The following NOVA1 variants were observed in gnomAD, a reference collection of about 807,000 sequenced individuals.
The protein encoded by NOVA1 is RNA-binding protein Nova-1.
NOVA1 carries 7 observed loss-of-function variants against 38.0 expected under a neutral mutation model. The ratio of observed to expected loss-of-function variants is 0.18; its 90% CI spans 0.10 to 0.35. The LOEUF (loss-of-function observed/expected upper bound fraction) is 0.35. NOVA1 is among the 10% of genes least tolerant of loss of function. The probability of loss-of-function intolerance (pLI) is 1.00; values close to 1 mark genes in which losing one functional copy is unlikely to be tolerated. For missense variants in NOVA1, 460 were observed against 616.0 expected (o/e 0.75, Z 2.68); for synonymous variants, 270 against 232.5 (o/e 1.16, Z -1.47).
chr14:26,597,661 C>A lies in NOVA1; in HGVS notation c.-225G>T. The A allele has an allele frequency of 1.7e-6, 2 of 1,198,482 alleles. No individual in the cohort carries two copies. Among genetic ancestry groups the A allele is most frequent in the Non-Finnish European group, 2.1e-6 (2 of 970,754 alleles). 74.2% of individuals were successfully genotyped at this position (1,198,482 alleles called of 1,614,324 possible). A position where few individuals can be genotyped will look rare whatever the true frequency, so the allele number is the denominator to read the frequency against. On this transcript the variant is annotated 5_prime_UTR_variant, in exon 1 of 5. Coordinates refer to ENST00000539517, the MANE Select transcript of NOVA1 (RefSeq NM_002515.3). ...CTGAGGAGCAGCTGCAGTGCAGTGT[C>A]AGAAAGGAGACAGGGGAATGGAGGG...
chr14:26,590,572 A>G (rs961906368), intron 2 of NOVA1, among the ~76,000 whole-genome samples: 2 of 151,850 alleles, frequency 1.3e-5, no homozygotes, highest in African/African-American at 4.8e-5. Context: ...AAAAACTCCC[A>G]AACAATACAA....
chr14:26,587,819 T>C (rs1893620587), intron 2 of NOVA1, among the ~76,000 whole-genome samples: 1 of 151,160 alleles, frequency 6.6e-6, no homozygotes, highest in Admixed American at 6.6e-5. Flanking sequence ...TATTACCTAC[T>C]ATTCTGTGTT....
At chr14:26,537,408 T>C (rs1890178582) in intron 2 of NOVA1, among the ~76,000 whole-genome samples, 1 of 152,126 alleles carries the variant, frequency 6.6e-6, no homozygotes, top group Non-Finnish European at 1.5e-5. Context: ...TCAAAAACAT[T>C]TCAAATTAGA....
chr14:26,491,352 T>C (rs1023370472), intron 2 of NOVA1, among the ~76,000 whole-genome samples: 3 of 152,180 alleles, frequency 2.0e-5, no homozygotes, highest in Non-Finnish European at 1.5e-5. Context: ...ATTAAAGTTA[T>C]TGTATAAATT....
At chr14:26,541,438 C>T (rs986951925) in intron 2 of NOVA1, among the ~76,000 whole-genome samples, 17 of 151,160 alleles carry the variant, frequency 1.1e-4, no homozygotes, top group African/African-American at 3.9e-4. Flanking sequence ...AATTCAAAAA[C>T]AGAATGAGCC....
At chr14:26,484,615 T>C (rs538255183) in intron 2 of NOVA1, among the ~76,000 whole-genome samples, 1 of 152,256 alleles carries the variant, frequency 6.6e-6, no homozygotes, top group Non-Finnish European at 1.5e-5. Context: ...CTCTTTCTAC[T>C]TCCTCATCAC....
At position 26,453,208 on chromosome 14, in the gene NOVA1, G is replaced by GTATT. The variant is rs1555314886; in HGVS notation, c.520-4249_520-4246dup. On this transcript the variant is annotated intron_variant, in intron 4 of 4. Coordinates refer to ENST00000539517, the MANE Select transcript of NOVA1 (RefSeq NM_002515.3). ...TGTATGTATGTATGTATGTATGTATGTATTTATTTATTTTTAGAGAGGGGG... is the reference window on the plus strand; with the variant it reads ...TGTATGTATGTATGTATGTATGTATGTATTTATTTATTTATTTTTAGAGAGGGGG... Among the ~76,000 whole-genome samples the GTATT allele has an allele frequency of 9.3e-3, 1,164 of 125,420 alleles. 8 individuals carry two copies. Among genetic ancestry groups the GTATT allele is most frequent in the African/African-American group, 0.021 (526 of 25,184 alleles). 82.3% of individuals were successfully genotyped at this position (125,420 alleles called of 152,430 possible).
At chr14:26,544,308 G>A (rs1890653567) in intron 2 of NOVA1, among the ~76,000 whole-genome samples, 1 of 151,872 alleles carries the variant, frequency 6.6e-6, no homozygotes, top group Admixed American at 6.6e-5. Flanking sequence ...ACTATAGTTG[G>A]GTTATCTCCA....
chr14:26,544,989 T>C (rs568121204), intron 2 of NOVA1, among the ~76,000 whole-genome samples: 4 of 152,092 alleles, frequency 2.6e-5, no homozygotes, highest in Non-Finnish European at 1.5e-5. Flanking sequence ...AAATACATTT[T>C]ATAAATATAG....
intron 2 of NOVA1, among the ~76,000 whole-genome samples, chr14:26,510,970 A>C (rs1476565149): frequency 6.6e-6 from 1 of 152,212 alleles, no homozygotes; most frequent in Non-Finnish European, 1.5e-5. Flanking sequence ...CAATAAACAG[A>C]TTATTTAAGA....
chr14:26,492,470 A>G (rs565680785), intron 2 of NOVA1, among the ~76,000 whole-genome samples: 3 of 152,304 alleles, frequency 2.0e-5, no homozygotes, highest in African/African-American at 7.2e-5. Flanking sequence ...TTCACTATTG[A>G]GTGTGATGTT....
intron 2 of NOVA1, among the ~76,000 whole-genome samples, chr14:26,494,395 A>G (rs1886598703): frequency 6.6e-6 from 1 of 152,156 alleles, no homozygotes; most frequent in Non-Finnish European, 1.5e-5. Flanking sequence ...TCTTTGTTAA[A>G]GTTGTCATAG....
At position 26,448,199 on chromosome 14, in the gene NOVA1, C is replaced by T. The variant is rs1324806449; in HGVS notation, c.1284G>A (p.Val428=). Residue 428 remains valine (V), a synonymous_variant, in exon 5 of 5, where the codon GTG becomes GTA. Transcript: ENST00000539517. This position sits in a 1 kb window ranked among gnomAD's most constrained non-coding sequence, Gnocchi z 5.3. ...DGSKDVVEIA[V]PENLVGAILG... ...GTATTGCACCAACTAAGTTTTCTGG[C>T]ACTGCTATTTCAACTACATCCTTGG... is the stretch of plus-strand genomic sequence containing the variant. 1.5e-5 allele frequency: 24 copies of T among 1,614,092 alleles called. No individual in the cohort carries two copies. The highest frequency in any genetic ancestry group is 1.9e-5 in the Non-Finnish European group (23 of 1,180,054).
Position 26,544,845 on chromosome 14 carries a change from G to C in NOVA1, c.280+50565C>G, listed in dbSNP as rs578176416. On this transcript the variant is annotated intron_variant, in intron 2 of 4. Coordinates refer to ENST00000539517, the MANE Select transcript of NOVA1 (RefSeq NM_002515.3). ...AATGGAACTGCATGTAAAGTGACTA[G>C]AGAGAATAAAGTAACTCTCTGCTTG... Among the ~76,000 whole-genome samples, 330 of 145,866 alleles carry C rather than the reference G, an allele frequency of 2.3e-3. 1 individual carries two copies. Among genetic ancestry groups the C allele is most frequent in the African/African-American group, 8.3e-3 (296 of 35,614 alleles).
At chr14:26,453,775 A>G (rs1310708077) in intron 4 of NOVA1, among the ~76,000 whole-genome samples, 1 of 152,344 alleles carries the variant, frequency 6.6e-6, no homozygotes, top group African/African-American at 2.4e-5. Context: ...ATAAAACCAC[A>G]TATTGAAGTA....
At chr14:26,575,825 T>G (rs1057348498) in intron 2 of NOVA1, among the ~76,000 whole-genome samples, 1 of 151,992 alleles carries the variant, frequency 6.6e-6, no homozygotes, top group African/African-American at 2.4e-5. Context: ...TTTTTTCTGC[T>G]TATGTGGAAA....
At chr14:26,549,649 C>A in intron 2 of NOVA1, 1 of 989,954 alleles carries the variant, frequency 1.0e-6, no homozygotes. Context: ...ATTGGGCTTT[C>A]CAGTCTAGGG....
At chr14:26,496,681 G>A (rs960968262) in intron 2 of NOVA1, among the ~76,000 whole-genome samples, 13 of 152,142 alleles carry the variant, frequency 8.5e-5, no homozygotes, top group African/African-American at 2.9e-4. Flanking sequence ...TAAGGTATAA[G>A]GATGGGATCC....
chr14:26,557,504 G>A (rs1891563458), intron 2 of NOVA1, among the ~76,000 whole-genome samples: 1 of 151,810 alleles, frequency 6.6e-6, no homozygotes, highest in Non-Finnish European at 1.5e-5. Context: ...AGGGACTACA[G>A]GCACATGCTA....
Sources: allele counts gnomAD v4.1 joint callset (sites outside exome capture counted in the v4.1 genomes callset), GRCh38; gene constraint gnomAD v4.1.1; non-coding constraint Gnocchi (gnomAD v3.1); transcripts MANE v1.5; gene names NCBI Gene and HGNC (gene_info 2026-07-23, HGNC 2026-07-21).